AZIN2: variants seen among roughly 807,000 people sequenced by gnomAD.
AZIN2 encodes antizyme inhibitor 2.
In AZIN2, 28 loss-of-function variants were observed where a neutral mutation model predicts 47.8. The observed-to-expected ratio is 0.59, with a 90% CI of 0.43 to 0.80. The LOEUF (loss-of-function observed/expected upper bound fraction) is 0.80, where lower values mean the gene tolerates loss of function less well. Ranked by LOEUF, AZIN2 falls within the 30% of genes least tolerant of loss-of-function variation. The pLI, the probability that AZIN2 is intolerant of heterozygous loss-of-function variation, is 0.00. For synonymous variants in AZIN2, 221 were observed against 239.4 expected (o/e 0.92, Z 0.71); for missense variants, 535 against 582.5 (o/e 0.92, Z 0.84).
At chr1:33,099,331 C>T (rs976088947) in intron 10 of AZIN2, among the ~76,000 whole-genome samples, 2 of 152,132 alleles carry the variant, frequency 1.3e-5, no homozygotes, top group African/African-American at 4.8e-5. Context: ...TTGATGGAGC[C>T]TCACTCCATG....
chr1:33,096,972 A>G (rs1570027313), intron 9 of AZIN2, 103 bp downstream of exon 9: 1 of 1,395,872 alleles, frequency 7.2e-7, no homozygotes, highest in African/African-American at 1.4e-5. Context: ...AGGATGGGGG[A>G]ATCTGGAGAA....
intron 10 of AZIN2, among the ~76,000 whole-genome samples, chr1:33,117,428 G>A (rs968239117): frequency 5.3e-5 from 8 of 152,174 alleles, no homozygotes; most frequent in African/African-American, 9.7e-5. Flanking sequence ...TGGACATATC[G>A]ACGTCTGGAA....
chr1:33,144,119 C>T, the AZIN2 span, among the ~76,000 whole-genome samples: 50 of 138,788 alleles, frequency 3.6e-4, no homozygotes, highest in Non-Finnish European at 6.7e-4. Context: ...TATATGATTC[C>T]GCTTTAATGT....
chr1:33,092,425 C>T (rs1642667112), intron 6 of AZIN2, among the ~76,000 whole-genome samples: 1 of 151,922 alleles, frequency 6.6e-6, no homozygotes, highest in African/African-American at 2.4e-5. Flanking sequence ...GAGGTTGGGG[C>T]AGGTACTCCT....
At chr1:33,086,518 T>C (rs1249448000) in intron 5 of AZIN2, among the ~76,000 whole-genome samples, 1 of 152,230 alleles carries the variant, frequency 6.6e-6, no homozygotes, top group Non-Finnish European at 1.5e-5. Flanking sequence ...ACAGCTTTTC[T>C]TGGAAGGCCA....
At chr1:33,126,240 C>T (rs1044240654), downstream of AZIN2, among the ~76,000 whole-genome samples, 1 of 152,124 alleles carries the variant, frequency 6.6e-6, no homozygotes, top group Admixed American at 6.5e-5. Context: ...TCTTTCAGGC[C>T]TCAGCTTGGG....
the AZIN2 span, among the ~76,000 whole-genome samples, chr1:33,153,190 C>A: frequency 6.6e-6 from 1 of 152,126 alleles, no homozygotes. Context: ...CCTGGGGGCA[C>A]CCCTCCCATC....
At chr1:33,082,055 A>T in intron 3 of AZIN2, 123 bp from the exon 4 acceptor site, 1 of 598,696 alleles carries the variant, frequency 1.7e-6, no homozygotes, top group South Asian at 1.9e-5. Flanking sequence ...ACCCTTGCCC[A>T]GTGAACCCCG....
chr1:33,102,878 C>T (rs1643811313), intron 10 of AZIN2, among the ~76,000 whole-genome samples: 1 of 152,152 alleles, frequency 6.6e-6, no homozygotes, highest in South Asian at 2.1e-4. Flanking sequence ...GATTTCCAAC[C>T]CCAAACTTCT....
Position 33,122,431 on chromosome 1 carries a change from TGTGGCTTACTTGA to T in AZIN2, c.*2251_*2263del, listed in dbSNP as rs373740257. 6.8e-6 allele frequency among the ~76,000 whole-genome samples: 1 copy of T among 146,278 alleles called. No homozygotes were observed. Among genetic ancestry groups the T allele is most frequent in the African/African-American group, 2.4e-5 (1 of 41,452 alleles). On this transcript the variant is annotated 3_prime_UTR_variant, in exon 12 of 12. Coordinates refer to ENST00000294517, the MANE Select transcript of AZIN2 (RefSeq NM_052998.4). ...CAAGAAAGATACACGCAGAACTTGA[TGTGGCTTACTTGA>T]GGATAATAGTTAATAGTCATTTTTT...
intron 5 of AZIN2, among the ~76,000 whole-genome samples, chr1:33,085,334 G>C (rs1405594442): frequency 3.9e-5 from 6 of 152,108 alleles, no homozygotes; most frequent in Admixed American, 3.3e-4. Context: ...TTGGGAGAGA[G>C]GATTGTACTT....
the AZIN2 span, among the ~76,000 whole-genome samples, chr1:33,137,306 C>A: frequency 1.3e-5 from 2 of 152,090 alleles, no homozygotes; most frequent in Non-Finnish European, 1.5e-5. Context: ...ACTCTCTGGA[C>A]CTTGTGTTCT....
At chr1:33,164,166 G>A in the AZIN2 span, 107 of 152,358 alleles carry the variant, frequency 7.0e-4, 1 homozygote, top group Non-Finnish European at 1.2e-3. Context: ...TGTTGCCCCC[G>A]AGGGTCCTGC....
the AZIN2 span, chr1:33,147,437 C>A: frequency 2.5e-6 from 4 of 1,614,064 alleles, no homozygotes; most frequent in Non-Finnish European, 3.4e-6. This position sits in a 1 kb window ranked among gnomAD's most constrained non-coding sequence, Gnocchi z 8.1. Flanking sequence ...TCGTGCATCA[C>A]GATGCAGTAG....
chr1:33,143,963 T>C, the AZIN2 span, among the ~76,000 whole-genome samples: 1 of 152,226 alleles, frequency 6.6e-6, no homozygotes, highest in Non-Finnish European at 1.5e-5. Flanking sequence ...ATGGCCCCCA[T>C]GTCTCTTGCC....
downstream of AZIN2, among the ~76,000 whole-genome samples, chr1:33,125,062 TGAG>T (rs1644847324): frequency 1.3e-5 from 2 of 152,196 alleles, no homozygotes; most frequent in South Asian, 2.1e-4. Flanking sequence ...CAGGAAACTT[TGAG>T]GAGGTCAGAG....
chr1:33,112,613 G>A (rs1446124674), intron 10 of AZIN2, among the ~76,000 whole-genome samples: 1 of 152,154 alleles, frequency 6.6e-6, no homozygotes, highest in Admixed American at 6.5e-5. Context: ...ATTGGAGTGG[G>A]CACATAGGGA....
At chr1:33,138,791 G>A in the AZIN2 span, among the ~76,000 whole-genome samples, 3 of 152,044 alleles carry the variant, frequency 2.0e-5, no homozygotes, top group Middle Eastern at 6.8e-3. Context: ...AAAATAAAAC[G>A]ACCCAGGAAA....
the AZIN2 span, among the ~76,000 whole-genome samples, chr1:33,138,736 T>C: frequency 6.6e-6 from 1 of 152,206 alleles, no homozygotes; most frequent in Non-Finnish European, 1.5e-5. Flanking sequence ...TTTTCCTTTG[T>C]GTCTTGTGTA....
Sources: gnomAD v4.1 joint callset for allele counts (sites outside exome capture counted in the v4.1 genomes callset) on GRCh38, gnomAD v4.1.1 for gene constraint, Gnocchi (gnomAD v3.1) non-coding constraint, MANE v1.5 for transcripts, NCBI Gene and HGNC (gene_info 2026-07-23, HGNC 2026-07-21) for gene names.